GREB1L: variants seen among roughly 807,000 people sequenced by gnomAD.
The protein encoded by GREB1L is GREB1-like protein.
Under a neutral mutation model 200.8 loss-of-function variants are expected in GREB1L, and 17 were observed. The observed-to-expected ratio is 0.08, with a 90% CI of 0.06 to 0.13. The LOEUF (loss-of-function observed/expected upper bound fraction) is 0.13. Among genes scored for constraint, GREB1L ranks in the 10% least tolerant of loss-of-function variants. The probability of loss-of-function intolerance (pLI) is 1.00; values close to 1 mark genes in which losing one functional copy is unlikely to be tolerated. For synonymous variants in GREB1L, 789 were observed against 893.0 expected (o/e 0.88, Z 2.08); for missense variants, 1,657 against 2,367.7 (o/e 0.70, Z 6.23).
chr18:21,440,474 A>G (rs2145247922), intron 9 of GREB1L, 86 bp downstream of exon 9: 1 of 1,319,074 alleles, frequency 7.6e-7, no homozygotes, highest in South Asian at 1.3e-5. Flanking sequence ...TGAATTCTTG[A>G]CAATGAGTTA....
chr18:21,518,462 C>T (rs2037499936), intron 31 of GREB1L, among the ~76,000 whole-genome samples: 1 of 152,142 alleles, frequency 6.6e-6, no homozygotes, highest in Non-Finnish European at 1.5e-5. Context: ...GGCAGTTTGC[C>T]CTCCCCATGC....
At chr18:21,508,713 C>T (rs1235314724) in intron 27 of GREB1L, 122 bp downstream of exon 27, 27 of 354,074 alleles carry the variant, frequency 7.6e-5, no homozygotes, top group Non-Finnish European at 9.8e-5. Flanking sequence ...CACCACTCTT[C>T]GGAAAAAAAA....
At chr18:21,419,148 A>G (rs2031922700) in intron 7 of GREB1L, among the ~76,000 whole-genome samples, 1 of 152,186 alleles carries the variant, frequency 6.6e-6, no homozygotes. Flanking sequence ...CATATAGCCT[A>G]TGTGTATAGT....
rs1363998782 is a variant in GREB1L, at chr18:21,525,869, T to G, written c.*3048T>G. On this transcript the variant is annotated 3_prime_UTR_variant, in exon 33 of 33. Coordinates refer to ENST00000424526, the MANE Select transcript of GREB1L (RefSeq NM_001142966.3). ...ATAAAGTGTAGTAAATTAAAAGAAT[T>G]TGACATAGATTCCATGAAAACAATC... Among the ~76,000 whole-genome samples the G allele has an allele frequency of 2.6e-5, 2 of 77,502 alleles. No individual in the cohort carries two copies. The highest frequency in any genetic ancestry group is 1.0e-4 in the Non-Finnish European group (2 of 19,402). 50.8% of individuals were successfully genotyped at this position (77,502 alleles called of 152,430 possible).
At chr18:21,296,967 G>T (rs2038538983) in intron 1 of GREB1L, among the ~76,000 whole-genome samples, 1 of 152,064 alleles carries the variant, frequency 6.6e-6, no homozygotes, top group Admixed American at 6.6e-5. Context: ...TTGATCTAAG[G>T]TATAGCTTGA....
At chr18:21,259,438 GGAGA>G (rs2037855465) in intron 1 of GREB1L, among the ~76,000 whole-genome samples, 1 of 152,026 alleles carries the variant, frequency 6.6e-6, no homozygotes. Flanking sequence ...GGGATGCTGT[GGAGA>G]GAGAGAGGAA....
chr18:21,519,446 A>G (rs146471991), intron 31 of GREB1L, among the ~76,000 whole-genome samples: 1 of 152,260 alleles, frequency 6.6e-6, no homozygotes, highest in East Asian at 1.9e-4. Flanking sequence ...TAAGTGACAG[A>G]GACCCCATCT....
At chr18:21,253,569 C>T (rs1338918152) in intron 1 of GREB1L, among the ~76,000 whole-genome samples, 2 of 151,880 alleles carry the variant, frequency 1.3e-5, no homozygotes, top group African/African-American at 2.4e-5. Context: ...GATTTTTTCT[C>T]ATTTTCAAAA....
At chr18:21,443,265 C>A (rs528427419) in intron 10 of GREB1L, among the ~76,000 whole-genome samples, 3 of 152,060 alleles carry the variant, frequency 2.0e-5, no homozygotes, top group Non-Finnish European at 2.9e-5. Flanking sequence ...TGCAGTGGCG[C>A]GATCTCGGCT....
chr18:21,341,892 C>T lies in GREB1L; in HGVS notation c.-119-24135C>T, dbSNP rs140313843. 1.2e-3 allele frequency among the ~76,000 whole-genome samples: 183 copies of T among 152,076 alleles called. No homozygotes were observed. In the Middle Eastern group the frequency reaches 0.014, roughly 11 times the overall value. Reference sequence around the variant, plus strand: ...ATGACCCTATTAGGCTTTGACAAAACGATGGGAATACTTTTCAAAGGGAAA... The same window carrying T: ...ATGACCCTATTAGGCTTTGACAAAATGATGGGAATACTTTTCAAAGGGAAA... On this transcript the variant is annotated intron_variant, in intron 1 of 32. Transcript: ENST00000424526.
At chr18:21,317,284 T>C (rs1403536853) in intron 1 of GREB1L, among the ~76,000 whole-genome samples, 1 of 151,618 alleles carries the variant, frequency 6.6e-6, no homozygotes, top group Non-Finnish European at 1.5e-5. Context: ...TTAAAAAAAA[T>C]TGCAAACTCA....
At chr18:21,250,016 C>A (rs1598604659) in intron 1 of GREB1L, among the ~76,000 whole-genome samples, 1 of 152,130 alleles carries the variant, frequency 6.6e-6, no homozygotes, top group East Asian at 1.9e-4. Context: ...CTGGAGGTTG[C>A]AATTTTCTAC....
intron 1 of GREB1L, among the ~76,000 whole-genome samples, chr18:21,266,560 T>A (rs2037970994): frequency 6.6e-6 from 1 of 152,204 alleles, no homozygotes; most frequent in African/African-American, 2.4e-5. Context: ...ACAGAAGAGT[T>A]CCACTTTTAA....
At chr18:21,416,872 C>G (rs945982912) in intron 7 of GREB1L, among the ~76,000 whole-genome samples, 1 of 150,994 alleles carries the variant, frequency 6.6e-6, no homozygotes, top group African/African-American at 2.4e-5. Flanking sequence ...CAAAAAAATA[C>G]AAGAATTAGC....
At chr18:21,328,153 T>C (rs2039052255) in intron 1 of GREB1L, among the ~76,000 whole-genome samples, 2 of 151,908 alleles carry the variant, frequency 1.3e-5, no homozygotes, top group East Asian at 3.8e-4. Flanking sequence ...CTGGTCATCT[T>C]TGAAGTCCTG....
intron 2 of GREB1L, among the ~76,000 whole-genome samples, chr18:21,373,131 A>G (rs1286656566): frequency 6.6e-6 from 1 of 152,028 alleles, no homozygotes; most frequent in Non-Finnish European, 1.5e-5. Context: ...TATCGTCTCC[A>G]CTGAGAAGGC....
chr18:21,417,438 C>T (rs555582067), intron 7 of GREB1L, among the ~76,000 whole-genome samples: 3 of 151,820 alleles, frequency 2.0e-5, no homozygotes, highest in Non-Finnish European at 4.4e-5. Context: ...CGCTTTAACC[C>T]GGGAGACAGA....
chr18:21,471,380 T>G (rs2035475459), intron 15 of GREB1L, among the ~76,000 whole-genome samples: 1 of 152,158 alleles, frequency 6.6e-6, no homozygotes, highest in Non-Finnish European at 1.5e-5. Context: ...ACTTCAGAGA[T>G]TAAGTAGGTT....
intron 1 of GREB1L, among the ~76,000 whole-genome samples, chr18:21,364,862 G>T (rs1484440880): frequency 6.0e-5 from 9 of 151,226 alleles, no homozygotes; most frequent in Non-Finnish European, 1.0e-4. Context: ...AATCATTAGG[G>T]TCCTTGTGGA....
Sources: allele counts gnomAD v4.1 joint callset (sites outside exome capture counted in the v4.1 genomes callset), GRCh38; gene constraint gnomAD v4.1.1; transcripts MANE v1.5; gene names NCBI Gene and HGNC (gene_info 2026-07-23, HGNC 2026-07-21).